MROH9: variants seen among roughly 807,000 people sequenced by gnomAD.
MROH9 encodes the protein maestro heat-like repeat-containing protein family member 9.
MROH9 carries 92 observed loss-of-function variants against 98.2 expected under a neutral mutation model. That is an observed-to-expected ratio of 0.94 (90% CI 0.79 to 1.11). The LOEUF is 1.11. MROH9 is among the 50% of genes most tolerant of loss of function. The pLI, the probability that MROH9 is intolerant of heterozygous loss-of-function variation, is 0.00. For synonymous variants in MROH9, 397 were observed against 368.9 expected, an observed-to-expected ratio of 1.08 and a Z score of -0.87; for missense variants, 1,057 against 1,014.8, an observed-to-expected ratio of 1.04 and a Z score of -0.57.
At chr1:171,022,244 T>TA (rs1358720389) in intron 17 of MROH9, among the ~76,000 whole-genome samples, 16 of 152,338 alleles carry the variant, frequency 1.1e-4, no homozygotes, top group African/African-American at 3.8e-4. Context: ...ATCCCATTAC[T>TA]GAGTATATAC....
chr1:170,958,384 G>A, intron 3 of MROH9, 77 bp from the exon 4 acceptor site: 2 of 789,876 alleles, frequency 2.5e-6, no homozygotes, highest in Non-Finnish European at 2.0e-6. Context: ...AGGAAGAAGT[G>A]CACATGCTAT....
chr1:170,957,787 A>ATTT (rs1372647484), intron 3 of MROH9, among the ~76,000 whole-genome samples: 3 of 127,998 alleles, frequency 2.3e-5, no homozygotes, highest in Non-Finnish European at 5.0e-5. Context: ...CCCTGCTGGC[A>ATTT]TTTTTTTGTT....
At chr1:171,000,466 C>T (rs746214356) in intron 15 of MROH9, among the ~76,000 whole-genome samples, 3 of 151,904 alleles carry the variant, frequency 2.0e-5, no homozygotes, top group Admixed American at 1.3e-4. Flanking sequence ...TGGACTTTGT[C>T]GAATGCTTTT....
rs72710588 is a variant in MROH9 at position 171,037,989 on chromosome 1, C to A, written c.2281+12569C>A. On this transcript the variant is annotated intron_variant, in intron 20 of 21. Transcript: ENST00000367759. ...AGGAAACTATAATAATAAATAAAAT[C>A]AAATTAAATAATTTGGAAAAATTGG... Among the ~76,000 whole-genome samples, 947 of 151,810 alleles carry A rather than the reference C, an allele frequency of 6.2e-3. 12 individuals carry two copies. The highest frequency in any genetic ancestry group is 0.021 in the African/African-American group (890 of 41,470).
intron 5 of MROH9, among the ~76,000 whole-genome samples, chr1:170,960,702 A>G (rs938655776): frequency 2.6e-5 from 4 of 152,194 alleles, no homozygotes; most frequent in African/African-American, 9.7e-5. Flanking sequence ...GGCTCACTGC[A>G]GTCTCCACCT....
chr1:171,045,283 C>A (rs188264458), intron 20 of MROH9, among the ~76,000 whole-genome samples: 1 of 151,800 alleles, frequency 6.6e-6, no homozygotes, highest in South Asian at 2.1e-4. Context: ...TACAGGCATG[C>A]GCCACCGTGC....
At chr1:170,962,029 C>G (rs1282638087) in intron 6 of MROH9, 53 bp downstream of exon 6, 2 of 937,824 alleles carry the variant, frequency 2.1e-6, no homozygotes, top group African/African-American at 3.5e-5. Flanking sequence ...AGTATGCTCA[C>G]TATGCTTCAC....
chr1:170,984,605 G>A (rs1651059545), intron 9 of MROH9, among the ~76,000 whole-genome samples: 1 of 152,150 alleles, frequency 6.6e-6, no homozygotes, highest in Admixed American at 6.5e-5. Context: ...AGTGAACCTA[G>A]GACCAGCAGT....
At chr1:171,060,671 C>T (rs1415855880) in intron 20 of MROH9, among the ~76,000 whole-genome samples, 6 of 152,108 alleles carry the variant, frequency 3.9e-5, no homozygotes, top group African/African-American at 1.4e-4. Flanking sequence ...CTTAACGGTG[C>T]AGTATCAACT....
intron 15 of MROH9, chr1:170,998,615 C>T: frequency 7.9e-7 from 1 of 1,270,034 alleles, no homozygotes; most frequent in South Asian, 1.9e-5. Flanking sequence ...TGGTAGTTAA[C>T]ATCTGGGATC....
chr1:171,016,230 T>G lies in MROH9; in HGVS notation c.1802T>G (p.Val601Gly), dbSNP rs1557899453. Residue 601 changes from valine (V) to glycine (G), a missense_variant, in exon 17 of 22, where the codon GTA (valine) becomes GGA (glycine). Val to Gly is a moderately radical substitution (Grantham distance 109). Transcript: ENST00000367759. ...TTCCTTTCCAAAGACGATAATGTTG[T>G]ACTTCAGGCCTTGCTCACCCTTAGA... ...DAFLSKDDNV[V>G]LQALLTLRRL... The G allele has an allele frequency of 5.8e-6, 9 of 1,541,298 alleles. No individual in the cohort carries two copies. The South Asian group carries it at 8.5e-5, about 15-fold the overall frequency.
At chr1:171,044,972 CTTTTTTTTTT>C (rs754332732) in intron 20 of MROH9, among the ~76,000 whole-genome samples, 1 of 45,674 alleles carries the variant, frequency 2.2e-5, no homozygotes, top group African/African-American at 6.9e-5. Flanking sequence ...CTGCTCTGAT[CTTTTTTTTTT>C]TTTTTTTTTT....
chr1:170,992,274 C>T lies in MROH9; in HGVS notation c.1139C>T (p.Thr380Ile). Residue 380 changes from threonine to isoleucine, a missense_variant, in exon 12 of 22, where the codon ACC (threonine) becomes ATC (isoleucine). By Grantham distance (89) the Thr-to-Ile change is moderately conservative (BLOSUM62 -1). Coordinates refer to ENST00000367759, the MANE Select transcript of MROH9 (RefSeq NM_001163629.2). ...LKGKPGEMED[T>I]VTEGKRFSLD... Reference sequence around the variant, plus strand: ...GGAAAGCCTGGGGAAATGGAGGACACCGTAACGGAAGGGAAACGTTTCTCT... The same window carrying T: ...GGAAAGCCTGGGGAAATGGAGGACATCGTAACGGAAGGGAAACGTTTCTCT... 1 of 1,613,500 alleles carries T rather than the reference C, an allele frequency of 6.2e-7. No individual in the cohort carries two copies. The highest frequency in any genetic ancestry group is 2.2e-5 in the East Asian group (1 of 44,854).
In MROH9 at chr1:171,016,226, G is replaced by T; in HGVS notation, c.1798G>T (p.Val600Phe). 1 of 1,540,508 alleles carries T rather than the reference G, an allele frequency of 6.5e-7. No homozygotes were observed. The highest frequency in any genetic ancestry group is 8.8e-7 in the Non-Finnish European group (1 of 1,141,992). The change falls in exon 17 of 22, where the codon GTT becomes TTT. Residue 600 changes from valine to phenylalanine, a missense_variant. Transcript: ENST00000367759. ...TGCCTTCCTTTCCAAAGACGATAAT[G>T]TTGTACTTCAGGCCTTGCTCACCCT... ...LDAFLSKDDN[V>F]VLQALLTLRR...
intron 8 of MROH9, among the ~76,000 whole-genome samples, chr1:170,975,421 T>G (rs1055503612): frequency 5.3e-5 from 8 of 152,160 alleles, no homozygotes; most frequent in African/African-American, 1.9e-4. Context: ...TAAGGAGACA[T>G]AACAATTCTT....
In MROH9 at chr1:170,943,568, T is replaced by C. The variant is rs114098833; in HGVS notation, c.-37-1952T>C. ...CAATCAATGATGAGCTCTTTACTTG[T>C]AAAGTTACTTAATTTCAAAAATAAA... On this transcript the variant is annotated intron_variant, in intron 1 of 21. Coordinates refer to ENST00000367759, the MANE Select transcript of MROH9 (RefSeq NM_001163629.2). Among the ~76,000 whole-genome samples the C allele has an allele frequency of 2.6e-3, 400 of 152,026 alleles. 2 individuals carry two copies. The highest frequency in any genetic ancestry group is 9.1e-3 in the African/African-American group (376 of 41,486).
intron 20 of MROH9, among the ~76,000 whole-genome samples, chr1:171,061,702 G>A (rs1402194905): frequency 6.6e-6 from 1 of 152,152 alleles, no homozygotes; most frequent in Non-Finnish European, 1.5e-5. Context: ...CCTCTGCCAT[G>A]TAGCAATGGA....
intron 13 of MROH9, among the ~76,000 whole-genome samples, 195 bp downstream of exon 13, chr1:170,995,726 C>G (rs566903791): frequency 6.6e-6 from 1 of 152,176 alleles, no homozygotes; most frequent in South Asian, 2.1e-4. Flanking sequence ...ATTAGTTCAC[C>G]TTCCCTGAGC....
chr1:171,007,392 G>A (rs1458425562), intron 15 of MROH9, among the ~76,000 whole-genome samples: 2 of 152,128 alleles, frequency 1.3e-5, no homozygotes, highest in East Asian at 3.9e-4. Flanking sequence ...GCTCCTTTTG[G>A]GTCTGTGAGA....
Sources: allele counts gnomAD v4.1 joint callset (sites outside exome capture counted in the v4.1 genomes callset), GRCh38; gene constraint gnomAD v4.1.1; transcripts MANE v1.5; gene names NCBI Gene and HGNC (gene_info 2026-07-23, HGNC 2026-07-21).